The following ANKRD6 variants were observed in gnomAD, a reference collection of about 807,000 sequenced individuals.
The protein encoded by ANKRD6 is ankyrin repeat domain 6, also known as ankyrin repeat domain-containing protein 6.
Under a neutral mutation model 82.3 loss-of-function variants are expected in ANKRD6, and 56 were observed. The ratio of observed to expected loss-of-function variants is 0.68; its 90% CI spans 0.55 to 0.85. The LOEUF is 0.85. Ranked by LOEUF, ANKRD6 falls within the 40% of genes least tolerant of loss-of-function variation. ANKRD6 has a pLI of 0.00. For missense variants in ANKRD6, 852 were observed against 907.6 expected (o/e 0.94, Z 0.79); for synonymous variants, 347 against 352.1 (o/e 0.99, Z 0.16).
intron 3 of ANKRD6, among the ~76,000 whole-genome samples, chr6:89,596,746 G>T (rs1385131303): frequency 6.6e-6 from 1 of 152,134 alleles, no homozygotes; most frequent in Non-Finnish European, 1.5e-5. Flanking sequence ...TGCCCTACTG[G>T]GTCTTTGGAG....
rs185588069 is a variant in ANKRD6, at chr6:89,445,139, A to T, written c.-144+11764A>T. Among the ~76,000 whole-genome samples the T allele has an allele frequency of 1.7e-3, 255 of 151,500 alleles. 2 individuals are homozygous for T. Among genetic ancestry groups the T allele is most frequent in the African/African-American group, 5.9e-3 (245 of 41,274 alleles). On this transcript the variant is annotated intron_variant, in intron 1 of 15. Transcript: ENST00000339746. ...TCTGTGTTGAGCGTCTATCAATACCATTTTTCCAACAACATGTGCTCTCTC... is the reference window on the plus strand; with the variant it reads ...TCTGTGTTGAGCGTCTATCAATACCTTTTTTCCAACAACATGTGCTCTCTC...
chr6:89,613,728 C>T, intron 6 of ANKRD6, 64 bp from the exon 7 acceptor site: 1 of 1,443,496 alleles, frequency 6.9e-7, no homozygotes, highest in South Asian at 1.2e-5. Flanking sequence ...CATTTTCTTT[C>T]TACTTTTCTC....
chr6:89,445,593 C>T (rs1425943719), intron 1 of ANKRD6, among the ~76,000 whole-genome samples: 4 of 152,130 alleles, frequency 2.6e-5, no homozygotes, highest in African/African-American at 4.8e-5. Context: ...ACTACAGGTG[C>T]ACACCACCAT....
chr6:89,497,488 T>C, intron 1 of ANKRD6, among the ~76,000 whole-genome samples: 1 of 152,170 alleles, frequency 6.6e-6, no homozygotes, highest in East Asian at 1.9e-4. Context: ...GTAGGAAGAC[T>C]ACAAGAAATG....
chr6:89,488,408 C>T (rs1012997148), intron 1 of ANKRD6, among the ~76,000 whole-genome samples: 3 of 152,142 alleles, frequency 2.0e-5, no homozygotes, highest in Non-Finnish European at 4.4e-5. Context: ...TGTGATTGTA[C>T]CACTGCACTC....
chr6:89,541,092 T>C (rs1784395428), intron 1 of ANKRD6, among the ~76,000 whole-genome samples: 1 of 152,156 alleles, frequency 6.6e-6, no homozygotes, highest in South Asian at 2.1e-4. Flanking sequence ...TTGCTTAAGG[T>C]AGCATTGGCT....
intron 1 of ANKRD6, among the ~76,000 whole-genome samples, chr6:89,460,316 CTTTT>C (rs1299027704): frequency 5.9e-5 from 9 of 151,346 alleles, no homozygotes; most frequent in Non-Finnish European, 1.2e-4. Context: ...GACTTTTTTT[CTTTT>C]TAAGAGAGAG....
rs780403490 is a variant in ANKRD6, at chr6:89,627,646, C to A, written c.1435C>A (p.Arg479Ser). The change falls in exon 14 of 16, where the codon CGC becomes AGC. Residue 479 changes from arginine to serine, a missense_variant. Physicochemically the swap from Arg to Ser is moderately radical, Grantham distance 110 (BLOSUM62 -1). Transcript: ENST00000339746. ...LSAERTECLNRLQQHSDTEKH... is the reference protein window; with the variant it reads ...LSAERTECLNSLQQHSDTEKH... Reference sequence around the variant, plus strand: ...TGCAGAGAGGACGGAGTGCCTGAACCGCCTGCAACAGCACTCAGACACAGA... The same window carrying A: ...TGCAGAGAGGACGGAGTGCCTGAACAGCCTGCAACAGCACTCAGACACAGA... 6.2e-7 allele frequency: 1 copy of A among 1,613,646 alleles called. No individual in the cohort carries two copies. The highest frequency in any genetic ancestry group is 8.5e-7 in the Non-Finnish European group (1 of 1,179,778).
chr6:89,627,599 A>AG lies in ANKRD6; in HGVS notation c.1389dup (p.Leu464AlafsTer4). On this transcript the variant is annotated frameshift_variant, in exon 14 of 16. Transcript: ENST00000339746. LOFTEE classifies it high-confidence loss of function. ...CACTCCTAGATGCGTGTTTTGGACA[A>AG]GCTGATGGTTGAGCGACTTTCTGCA... 2 of 1,613,652 alleles carry AG rather than the reference A, an allele frequency of 1.2e-6. No individual in the cohort carries two copies. The highest frequency in any genetic ancestry group is 1.7e-6 in the Non-Finnish European group (2 of 1,179,682).
intron 5 of ANKRD6, among the ~76,000 whole-genome samples, chr6:89,611,190 C>A (rs1251896995): frequency 1.3e-5 from 2 of 149,040 alleles, no homozygotes; most frequent in East Asian, 3.9e-4. Flanking sequence ...TTTTTTAACT[C>A]ATTTCTCTTT....
chr6:89,451,057 T>C (rs564592921), intron 1 of ANKRD6, among the ~76,000 whole-genome samples: 5 of 152,236 alleles, frequency 3.3e-5, no homozygotes, highest in African/African-American at 1.2e-4. Context: ...CCTGTAATCC[T>C]AGCACTTTGG....
At chr6:89,542,026 A>G (rs1039863534) in intron 1 of ANKRD6, among the ~76,000 whole-genome samples, 2 of 151,866 alleles carry the variant, frequency 1.3e-5, no homozygotes, top group East Asian at 1.9e-4. Flanking sequence ...TGAATCTATG[A>G]ATAAAAAATT....
At chr6:89,627,412 G>T (rs982326752) in intron 13 of ANKRD6, among the ~76,000 whole-genome samples, 171 bp from the exon 14 acceptor site, 2 of 152,196 alleles carry the variant, frequency 1.3e-5, no homozygotes, top group South Asian at 4.1e-4. Context: ...ACATGCTCAA[G>T]AATTCTGAAA....
At chr6:89,475,465 G>T (rs1201701140) in intron 1 of ANKRD6, among the ~76,000 whole-genome samples, 3 of 152,150 alleles carry the variant, frequency 2.0e-5, no homozygotes, top group African/African-American at 7.2e-5. Context: ...ATCTGTACTG[G>T]CATGAATATG....
At chr6:89,527,140 G>T (rs868210652) in intron 1 of ANKRD6, among the ~76,000 whole-genome samples, 6 of 152,278 alleles carry the variant, frequency 3.9e-5, no homozygotes, top group Middle Eastern at 6.8e-3. Flanking sequence ...AATAGAGCAG[G>T]TTCAGTTTCA....
chr6:89,582,487 A>G (rs1280322570), intron 2 of ANKRD6, among the ~76,000 whole-genome samples: 1 of 152,194 alleles, frequency 6.6e-6, no homozygotes, highest in African/African-American at 2.4e-5. Context: ...CACCATGCCC[A>G]GCCCCGTCTT....
At chr6:89,488,908 C>G (rs1399465124) in intron 1 of ANKRD6, among the ~76,000 whole-genome samples, 1 of 151,488 alleles carries the variant, frequency 6.6e-6, no homozygotes, top group Non-Finnish European at 1.5e-5. Flanking sequence ...CTATTCTATT[C>G]TATTCTATTC....
At chr6:89,579,554 T>G (rs958080390) in intron 2 of ANKRD6, among the ~76,000 whole-genome samples, 1 of 152,062 alleles carries the variant, frequency 6.6e-6, no homozygotes, top group Non-Finnish European at 1.5e-5. Flanking sequence ...GTGGATCTCT[T>G]GAGGCCAGGA....
chr6:89,475,003 A>C (rs1275449883), intron 1 of ANKRD6, among the ~76,000 whole-genome samples: 1 of 152,216 alleles, frequency 6.6e-6, no homozygotes, highest in Non-Finnish European at 1.5e-5. Flanking sequence ...TTACAGCCAG[A>C]GTAAAACTTA....
Sources: allele counts gnomAD v4.1 joint callset (sites outside exome capture counted in the v4.1 genomes callset), GRCh38; gene constraint gnomAD v4.1.1; transcripts MANE v1.5; gene names NCBI Gene and HGNC (gene_info 2026-07-23, HGNC 2026-07-21).